Variants in DSCAML1 observed in about 807,000 individuals in gnomAD.
DSCAML1 encodes the protein cell adhesion molecule DSCAML1.
A neutral mutation model predicts 200.5 loss-of-function variants in DSCAML1; 38 were observed. The observed-to-expected ratio is 0.19, with a 90% CI of 0.15 to 0.25. The LOEUF is 0.25. Among genes scored for constraint, DSCAML1 ranks in the 10% least tolerant of loss-of-function variants. DSCAML1 has a pLI of 1.00. For synonymous variants in DSCAML1, 1,215 were observed against 1,165.0 expected (o/e 1.04, Z -0.87); for missense variants, 2,223 against 2,858.8 (o/e 0.78, Z 5.07).
At chr11:117,611,216 T>C (rs2051684982) in intron 3 of DSCAML1, 1 of 152,190 alleles carries the variant, frequency 6.6e-6, no homozygotes, top group Non-Finnish European at 1.5e-5. Flanking sequence ...TTACTCAGGA[T>C]GTTCTTCTCC....
At chr11:117,488,862 G>A (rs2049133457) in intron 11 of DSCAML1, among the ~76,000 whole-genome samples, 1 of 152,226 alleles carries the variant, frequency 6.6e-6, no homozygotes, top group Admixed American at 6.5e-5. Flanking sequence ...ACTCATCTGA[G>A]GTAGGCACTG....
At chr11:117,483,075 A>G (rs2048962584) in intron 11 of DSCAML1, among the ~76,000 whole-genome samples, 1 of 152,194 alleles carries the variant, frequency 6.6e-6, no homozygotes, top group South Asian at 2.1e-4. Flanking sequence ...CTGCTCAGAC[A>G]AGAAGCCTGT....
At chr11:117,718,792 A>G (rs936321162) in intron 3 of DSCAML1, among the ~76,000 whole-genome samples, 6 of 151,792 alleles carry the variant, frequency 4.0e-5, no homozygotes, top group African/African-American at 1.5e-4. Context: ...GGAAATTACA[A>G]TGATGATTAC....
At chr11:117,730,984 C>T (rs770039169) in intron 3 of DSCAML1, among the ~76,000 whole-genome samples, 6 of 152,186 alleles carry the variant, frequency 3.9e-5, no homozygotes, top group Non-Finnish European at 8.8e-5. Context: ...GTGTTTGCCT[C>T]GGTCAGGGAA....
rs189549664 is a variant in DSCAML1 at position 117,658,953 on chromosome 11, G to A, written c.511+117838C>T. Among the ~76,000 whole-genome samples, 262 of 152,298 alleles carry A rather than the reference G, an allele frequency of 1.7e-3. 1 individual carries two copies. Among genetic ancestry groups the A allele is most frequent in the Admixed American group, 3.1e-3 (48 of 15,298 alleles). On this transcript the variant is annotated intron_variant, in intron 3 of 32. Transcript: ENST00000651296. ...GCCTGCCTGTGCCTACCCTCAGCCTGGGTGTAGTTCTGACTTTCAGGTGCA... is the reference window on the plus strand; with the variant it reads ...GCCTGCCTGTGCCTACCCTCAGCCTAGGTGTAGTTCTGACTTTCAGGTGCA...
At chr11:117,591,651 C>T (rs1467849225) in intron 3 of DSCAML1, among the ~76,000 whole-genome samples, 1 of 152,176 alleles carries the variant, frequency 6.6e-6, no homozygotes, top group African/African-American at 2.4e-5. Context: ...CTTCGGAGTC[C>T]TCTTCATAAA....
chr11:117,644,477 C>T (rs1030725135), intron 3 of DSCAML1, among the ~76,000 whole-genome samples: 1 of 152,226 alleles, frequency 6.6e-6, no homozygotes, highest in Non-Finnish European at 1.5e-5. Context: ...ACCCCAAGCA[C>T]GCCCTCCACA....
At chr11:117,764,912 A>T (rs1346819024) in intron 3 of DSCAML1, among the ~76,000 whole-genome samples, 1 of 152,094 alleles carries the variant, frequency 6.6e-6, no homozygotes, top group Non-Finnish European at 1.5e-5. Flanking sequence ...AATGAAGCTC[A>T]CTCCACACCT....
rs373170183 is a variant in DSCAML1 at position 117,683,628 on chromosome 11, G to A, written c.511+93163C>T. Among the ~76,000 whole-genome samples, 22 of 152,330 alleles carry A rather than the reference G, an allele frequency of 1.4e-4. No individual in the cohort carries two copies. The South Asian group carries it at 4.3e-3, about 30-fold the overall frequency. On this transcript the variant is annotated intron_variant, in intron 3 of 32. Transcript: ENST00000651296. ...CTTCCAGGCTTTTTCCTGTAGAGCA[G>A]AGGGGTCGAGCTTGTAGCCTCTCGG...
At chr11:117,797,283 G>A (rs1019493402), upstream of DSCAML1, 4 of 1,337,332 alleles carry the variant, frequency 3.0e-6, no homozygotes, top group Non-Finnish European at 3.8e-6. Context: ...CTAGGCGGCC[G>A]CTCTCCCCGC....
At chr11:117,652,085 C>G (rs1051180337) in intron 3 of DSCAML1, among the ~76,000 whole-genome samples, 1 of 152,208 alleles carries the variant, frequency 6.6e-6, no homozygotes. Flanking sequence ...GTTCGGAGAT[C>G]GCAAGGCTGA....
chr11:117,626,186 C>A (rs2052040496), intron 3 of DSCAML1, among the ~76,000 whole-genome samples: 1 of 140,648 alleles, frequency 7.1e-6, no homozygotes, highest in African/African-American at 2.7e-5. Flanking sequence ...TAGCACAGCC[C>A]ACTCTTGCTG....
intron 11 of DSCAML1, among the ~76,000 whole-genome samples, chr11:117,492,875 T>G (rs2049214405): frequency 6.6e-6 from 1 of 152,158 alleles, no homozygotes; most frequent in African/African-American, 2.4e-5. Context: ...CATGGCGTTG[T>G]TAATTTGATT....
intron 3 of DSCAML1, among the ~76,000 whole-genome samples, chr11:117,551,360 T>C (rs2050463492): frequency 6.6e-6 from 1 of 152,132 alleles, no homozygotes; most frequent in South Asian, 2.1e-4. Flanking sequence ...TCCTGCCAGA[T>C]GTATATGGTC....
chr11:117,779,120 A>T (rs2055185581), intron 2 of DSCAML1, among the ~76,000 whole-genome samples: 1 of 152,250 alleles, frequency 6.6e-6, no homozygotes. Context: ...CTTTCCCAGA[A>T]CCACTCTCCC....
chr11:117,512,796 C>CAT (rs2049665159), intron 8 of DSCAML1, among the ~76,000 whole-genome samples: 1 of 149,556 alleles, frequency 6.7e-6, no homozygotes, highest in Non-Finnish European at 1.5e-5. Flanking sequence ...CACACACACA[C>CAT]ACACACCCCT....
intron 3 of DSCAML1, among the ~76,000 whole-genome samples, chr11:117,594,995 G>T (rs2051333756): frequency 6.6e-6 from 1 of 151,328 alleles, no homozygotes; most frequent in Non-Finnish European, 1.5e-5. Context: ...GTTCTGTTTT[G>T]CATTTCTATG....
intron 4 of DSCAML1, among the ~76,000 whole-genome samples, chr11:117,531,301 A>G (rs1439537704): frequency 2.6e-5 from 4 of 152,138 alleles, no homozygotes; most frequent in African/African-American, 9.7e-5. Flanking sequence ...AGCTCTGGCA[A>G]GTCGCTTGGC....
chr11:117,540,491 A>G lies in DSCAML1; in HGVS notation c.512-7969T>C, dbSNP rs545263093. Among the ~76,000 whole-genome samples the G allele has an allele frequency of 3.9e-5, 6 of 152,280 alleles. 1 individual carries two copies. Among genetic ancestry groups the G allele is most frequent in the African/African-American group, 1.2e-4 (5 of 41,556 alleles). On this transcript the variant is annotated intron_variant, in intron 3 of 32. Coordinates refer to ENST00000651296, the MANE Select transcript of DSCAML1 (RefSeq NM_020693.4). Reference sequence around the variant, plus strand: ...TGGAGTTTCAGTTTTACAAAAGGCAACTGAACTTAAACATGACTGAACTTA... The same window carrying G: ...TGGAGTTTCAGTTTTACAAAAGGCAGCTGAACTTAAACATGACTGAACTTA...
Sources: gnomAD v4.1 joint callset for allele counts (sites outside exome capture counted in the v4.1 genomes callset) on GRCh38, gnomAD v4.1.1 for gene constraint, MANE v1.5 for transcripts, NCBI Gene and HGNC (gene_info 2026-07-23, HGNC 2026-07-21) for gene names.